Variants in KIF5C observed in about 807,000 individuals in gnomAD.
KIF5C encodes the protein kinesin family member 5C, also known as kinesin heavy chain isoform 5C.
A neutral mutation model predicts 125.2 loss-of-function variants in KIF5C; 18 were observed. The observed-to-expected ratio is 0.14, with a 90% confidence interval of 0.10 to 0.21. KIF5C has a LOEUF of 0.21. Among genes scored for constraint, KIF5C ranks in the 10% least tolerant of loss-of-function variants. The pLI is 1.00. For missense variants in KIF5C, 780 were observed against 1,183.8 expected (o/e 0.66, Z 5.01); for synonymous variants, 405 against 434.0 (o/e 0.93, Z 0.83).
rs1681209722 is a variant in KIF5C at position 148,980,710 on chromosome 2, AT to A, written c.1363-642del. ...TATTTATTTATTTATTTATTTATTT[AT>A]TTATTTATTATTTAGACGAAGTCTT... On this transcript the variant is annotated intron_variant, in intron 13 of 25. Transcript: ENST00000435030. Among the ~76,000 whole-genome samples the A allele has an allele frequency of 3.4e-5, 5 of 147,786 alleles. 1 individual carries two copies. The highest frequency in any genetic ancestry group is 4.2e-4 in the South Asian group (2 of 4,708).
intron 21 of KIF5C, among the ~76,000 whole-genome samples, chr2:149,005,067 A>G (rs1029642258): frequency 3.9e-5 from 6 of 152,246 alleles, no homozygotes; most frequent in African/African-American, 1.4e-4. Flanking sequence ...ACCCTGATAC[A>G]ACATAGCCCA....
At chr2:148,991,475 G>T (rs1681525130) in intron 16 of KIF5C, among the ~76,000 whole-genome samples, 1 of 151,976 alleles carries the variant, frequency 6.6e-6, no homozygotes, top group Non-Finnish European at 1.5e-5. Flanking sequence ...GTAAAAGATT[G>T]GGTGGAATCT....
In KIF5C at chr2:148,993,593, G is replaced by A. The variant is rs139133572; in HGVS notation, c.1906-828G>A. On this transcript the variant is annotated intron_variant, in intron 16 of 25. Coordinates refer to ENST00000435030, the MANE Select transcript of KIF5C (RefSeq NM_004522.3). ...GTGCTTATAAGATGACTGTTCCAACGGAGGAGTTGTGTTTTCTGGAGAGGT... is the reference window on the plus strand; with the variant it reads ...GTGCTTATAAGATGACTGTTCCAACAGAGGAGTTGTGTTTTCTGGAGAGGT... Among the ~76,000 whole-genome samples, 335 of 152,300 alleles carry A rather than the reference G, an allele frequency of 2.2e-3. 1 individual carries two copies. Among genetic ancestry groups the A allele is most frequent in the Non-Finnish European group, 3.9e-3 (267 of 68,030 alleles).
At chr2:148,931,761 G>C (rs1558903085) in intron 3 of KIF5C, among the ~76,000 whole-genome samples, 1 of 152,228 alleles carries the variant, frequency 6.6e-6, no homozygotes, top group Non-Finnish European at 1.5e-5. Context: ...AGCCCTCTGT[G>C]TCTTACAGTG....
At chr2:149,009,413 C>G (rs1682115089) in intron 23 of KIF5C, among the ~76,000 whole-genome samples, 1 of 152,168 alleles carries the variant, frequency 6.6e-6, no homozygotes, top group African/African-American at 2.4e-5. Flanking sequence ...TTTGGTGTAG[C>G]ACTTTGTGAT....
intron 1 of KIF5C, among the ~76,000 whole-genome samples, chr2:148,906,245 A>G (rs1681102841): frequency 6.6e-6 from 1 of 152,188 alleles, no homozygotes; most frequent in Admixed American, 6.5e-5. Flanking sequence ...AATTCAGCAG[A>G]AAAAGAGGGT....
rs1682143981 is a variant in KIF5C, at chr2:149,010,208, G to A, written c.2624G>A (p.Arg875His). The A allele has an allele frequency of 1.3e-6, 2 of 1,560,720 alleles. No individual in the cohort carries two copies. The highest frequency in any genetic ancestry group is 1.7e-6 in the Non-Finnish European group (2 of 1,153,206). Residue 875 changes from arginine to histidine, a missense_variant, in exon 24 of 26, where the codon CGC becomes CAC. Physicochemically the swap from Arg to His is conservative, Grantham distance 29. Coordinates refer to ENST00000435030, the MANE Select transcript of KIF5C (RefSeq NM_004522.3). The part of the protein sequence containing the change: ...LEKRLRATAE[R>H]VKALESALKE... ...AAGCGGCTGCGTGCCACGGCGGAGC[G>A]CGTCAAGGCTCTGGAGAGCGCGCTG...
At chr2:148,934,355 C>T (rs938247217) in intron 3 of KIF5C, among the ~76,000 whole-genome samples, 4 of 151,512 alleles carry the variant, frequency 2.6e-5, no homozygotes, top group Non-Finnish European at 5.9e-5. Context: ...CATATAGACA[C>T]GCATACCACA....
Position 149,010,359 on chromosome 2 carries a change from C to A in KIF5C, c.2767+8C>A. On this transcript the variant is annotated splice_region_variant and intron_variant, in intron 24 of 25. Transcript: ENST00000435030. Reference sequence around the variant, plus strand: ...CCCATTCAGCCCAGATCGGTACGTGCGTGCACAGTGGCGCCCGGGGTTTGA... The same window carrying A: ...CCCATTCAGCCCAGATCGGTACGTGAGTGCACAGTGGCGCCCGGGGTTTGA... 1 of 1,547,334 alleles carries A rather than the reference C, an allele frequency of 6.5e-7. No homozygotes were observed. Among genetic ancestry groups the A allele is most frequent in the Non-Finnish European group, 8.7e-7 (1 of 1,148,350 alleles).
At position 149,024,978 on chromosome 2, in the gene KIF5C, T is replaced by C. The variant is rs927540318; in HGVS notation, c.*1908T>C. On this transcript the variant is annotated 3_prime_UTR_variant, in exon 26 of 26. Coordinates refer to ENST00000435030, the MANE Select transcript of KIF5C (RefSeq NM_004522.3). Reference sequence around the variant, plus strand: ...GGTGTTTGAGAGGATTGCCAATTATTAATTGTCATTACCACTACTCTCCAT... The same window carrying C: ...GGTGTTTGAGAGGATTGCCAATTATCAATTGTCATTACCACTACTCTCCAT... 6.6e-6 allele frequency: 1 copy of C among 152,196 alleles called. No homozygotes were observed. Among genetic ancestry groups the C allele is most frequent in the Non-Finnish European group, 1.5e-5 (1 of 68,036 alleles). 9.4% of individuals were successfully genotyped at this position (152,196 alleles called of 1,614,324 possible).
intron 3 of KIF5C, among the ~76,000 whole-genome samples, chr2:148,933,694 A>G (rs1682224819): frequency 6.6e-6 from 1 of 151,564 alleles, no homozygotes; most frequent in Admixed American, 6.6e-5. Context: ...ATATACACAC[A>G]GACACATCAC....
In KIF5C at chr2:148,875,575, G is replaced by GCCCCCCCCCCAACCCCCCCCCC; in HGVS notation, c.-37_-36insCCCCAACCCCCCCCCCCCCCCC. 1.4e-6 allele frequency: 1 copy of GCCCCCCCCCCAACCCCCCCCCC among 699,606 alleles called. No individual in the cohort carries two copies. Among genetic ancestry groups the GCCCCCCCCCCAACCCCCCCCCC allele is most frequent in the African/African-American group, 1.8e-5 (1 of 55,562 alleles). 43.3% of individuals were successfully genotyped at this position (699,606 alleles called of 1,614,324 possible). ...TCCTCCCTCGTCGTTCCCGGCCCCG[G>GCCCCCCCCCCAACCCCCCCCCC]CCCCCCACCCATCCCCGTGCCCCCT... On this transcript the variant is annotated 5_prime_UTR_variant, in exon 1 of 26. Transcript: ENST00000435030.
intron 10 of KIF5C, among the ~76,000 whole-genome samples, chr2:148,954,044 C>T (rs138394259): frequency 1.4e-3 from 199 of 146,540 alleles, no homozygotes; most frequent in African/African-American, 4.7e-3. Context: ...CCCCACCCCC[C>T]GACAGGCCCC....
chr2:148,993,750 C>A (rs1204090309), intron 16 of KIF5C, among the ~76,000 whole-genome samples: 1 of 152,226 alleles, frequency 6.6e-6, no homozygotes, highest in Non-Finnish European at 1.5e-5. Context: ...GTTCAGCCAA[C>A]AAGCTCTCAT....
chr2:148,949,355 C>G (rs1337222123), intron 8 of KIF5C, among the ~76,000 whole-genome samples: 2 of 152,184 alleles, frequency 1.3e-5, no homozygotes, highest in Non-Finnish European at 2.9e-5. Context: ...GGAACGGACT[C>G]TAGATAACCA....
chr2:148,889,529 A>G (rs996892962), intron 1 of KIF5C, among the ~76,000 whole-genome samples: 1 of 152,066 alleles, frequency 6.6e-6, no homozygotes, highest in African/African-American at 2.4e-5. Context: ...TGCACTTGGG[A>G]CTAACTCAGG....
intron 2 of KIF5C, among the ~76,000 whole-genome samples, chr2:148,926,515 C>A (rs1375194338): frequency 1.3e-5 from 2 of 152,168 alleles, no homozygotes; most frequent in Non-Finnish European, 2.9e-5. Context: ...CTTTTGTGGG[C>A]GCTTCTGTGG....
Position 149,025,447 on chromosome 2 carries a change from T to C in KIF5C, c.*2377T>C, listed in dbSNP as rs924516383. 3.3e-5 allele frequency: 5 copies of C among 152,664 alleles called. No individual in the cohort carries two copies. Among genetic ancestry groups the C allele is most frequent in the African/African-American group, 1.2e-4 (5 of 41,458 alleles). 9.5% of individuals were successfully genotyped at this position (152,664 alleles called of 1,614,324 possible). Reference sequence around the variant, plus strand: ...AGCCAGTTATTATATCAGGACCATGTTCTCTGTAGGCCACTTTCTAAAAAA... The same window carrying C: ...AGCCAGTTATTATATCAGGACCATGCTCTCTGTAGGCCACTTTCTAAAAAA... On this transcript the variant is annotated 3_prime_UTR_variant, in exon 26 of 26. Coordinates refer to ENST00000435030, the MANE Select transcript of KIF5C (RefSeq NM_004522.3).
chr2:148,897,997 C>T (rs1427492416), intron 1 of KIF5C, among the ~76,000 whole-genome samples: 1 of 131,080 alleles, frequency 7.6e-6, no homozygotes, highest in African/African-American at 2.9e-5. Context: ...TGCTGGCTAG[C>T]AGAGAAAGCT....
Sources: allele counts gnomAD v4.1 joint callset (sites outside exome capture counted in the v4.1 genomes callset), GRCh38; gene constraint gnomAD v4.1.1; transcripts MANE v1.5; gene names NCBI Gene and HGNC (gene_info 2026-07-23, HGNC 2026-07-21).